Variants in TFAP2E observed in about 807,000 individuals in gnomAD.
TFAP2E encodes the protein transcription factor AP-2 epsilon, also known as transcription factor AP-2-epsilon.
TFAP2E carries 30 observed loss-of-function variants against 37.9 expected under a neutral mutation model. That is an observed-to-expected ratio of 0.79 (90% CI 0.59 to 1.07). TFAP2E has a LOEUF of 1.07. TFAP2E is among the 50% of genes least tolerant of loss of function. TFAP2E has a pLI of 0.00. For missense variants in TFAP2E, 567 were observed against 637.9 expected (o/e 0.89, Z 1.20); for synonymous variants, 318 against 295.8 (o/e 1.08, Z -0.77).
chr1:35,590,412 T>C lies in TFAP2E; in HGVS notation c.905-222T>C, dbSNP rs1051777085. Among the ~76,000 whole-genome samples, 1 of 151,820 alleles carries C rather than the reference T, an allele frequency of 6.6e-6. No homozygotes were observed. The highest frequency in any genetic ancestry group is 2.4e-5 in the African/African-American group (1 of 41,300). On this transcript the variant is annotated intron_variant, in intron 5 of 6. Transcript: ENST00000373235. This position sits in a 1 kb window ranked among gnomAD's most constrained non-coding sequence, Gnocchi z 6.2. ...TGGAGGTTGGTGCCTCTGGAATACA[T>C]GGTGGGCCCAGCTCCCATCTCTGAG... is the stretch of plus-strand genomic sequence containing the variant.
intron 3 of TFAP2E, among the ~76,000 whole-genome samples, chr1:35,576,979 A>T (rs1156590172): frequency 1.1e-5 from 1 of 91,144 alleles, no homozygotes; most frequent in Admixed American, 1.3e-4. Flanking sequence ...CCCCAGCGCC[A>T]GCGGGACCCC....
chr1:35,589,010 C>T (rs931798972), intron 4 of TFAP2E, among the ~76,000 whole-genome samples: 1 of 152,022 alleles, frequency 6.6e-6, no homozygotes, highest in African/African-American at 2.4e-5. Context: ...TGTCTTTGTG[C>T]CTGGGAAGGG....
chr1:35,589,188 CTGTG>C (rs757213879), intron 4 of TFAP2E, among the ~76,000 whole-genome samples: 11,585 of 125,772 alleles, frequency 0.092, 534 homozygotes, highest in South Asian at 0.13. Context: ...GTGTCCTGCT[CTGTG>C]TGTGTGTGTG....
intron 3 of TFAP2E, among the ~76,000 whole-genome samples, chr1:35,579,964 T>C (rs1368042709): frequency 6.6e-6 from 1 of 152,026 alleles, no homozygotes; most frequent in Non-Finnish European, 1.5e-5. Flanking sequence ...CCCAGCACTT[T>C]GGGAGGCCGA....
In TFAP2E at chr1:35,577,982, G is replaced by A. The variant is rs1649231925; in HGVS notation, c.562+2982G>A. On this transcript the variant is annotated intron_variant, in intron 3 of 6. Transcript: ENST00000373235. The surrounding 1 kb of genome is among the most constrained non-coding windows in gnomAD (Gnocchi z 6.3). ...AAGCAAGCAGGACTGGTGGGGAGAC[G>A]GAGCTTAACAGGAATATTTTCCAGC... is the stretch of plus-strand genomic sequence containing the variant. Among the ~76,000 whole-genome samples the A allele has an allele frequency of 6.6e-6, 1 of 152,164 alleles. No individual in the cohort carries two copies. Among genetic ancestry groups the A allele is most frequent in the Non-Finnish European group, 1.5e-5 (1 of 68,034 alleles).
chr1:35,575,006 G>T lies in TFAP2E; in HGVS notation c.562+6G>T, dbSNP rs760238241. On this transcript the variant is annotated splice_donor_region_variant and intron_variant, in intron 3 of 6. Coordinates refer to ENST00000373235, the MANE Select transcript of TFAP2E (RefSeq NM_178548.4). Reference sequence around the variant, plus strand: ...CCAGTCCGTGATCAAGAAAGGTAAGGAATGGTCTGTCAGGGCAGAGCCCGG... The same window carrying T: ...CCAGTCCGTGATCAAGAAAGGTAAGTAATGGTCTGTCAGGGCAGAGCCCGG... 1 of 1,613,944 alleles carries T rather than the reference G, an allele frequency of 6.2e-7. No individual in the cohort carries two copies. Among genetic ancestry groups the T allele is most frequent in the East Asian group, 2.2e-5 (1 of 44,884 alleles).
chr1:35,593,245 G>A (rs990294672), intron 6 of TFAP2E, among the ~76,000 whole-genome samples: 1 of 152,126 alleles, frequency 6.6e-6, no homozygotes, highest in African/African-American at 2.4e-5. Context: ...GGAGGCTGAG[G>A]TTGAGACTGC....
At position 35,594,710 on chromosome 1, in the gene TFAP2E, A is replaced by T. The variant is rs201429244; in HGVS notation, c.*34A>T. The T allele has an allele frequency of 6.2e-7, 1 of 1,611,824 alleles. No homozygotes were observed. Among genetic ancestry groups the T allele is most frequent in the African/African-American group, 1.3e-5 (1 of 74,834 alleles). On this transcript the variant is annotated 3_prime_UTR_variant, in exon 7 of 7. Coordinates refer to ENST00000373235, the MANE Select transcript of TFAP2E (RefSeq NM_178548.4). Reference sequence around the variant, plus strand: ...CCCACCCCATCCCTAAGGGGCTCCCAGGCCCTGAAATAGGGACTTAGCTCT... The same window carrying T: ...CCCACCCCATCCCTAAGGGGCTCCCTGGCCCTGAAATAGGGACTTAGCTCT...
chr1:35,588,571 A>G lies in TFAP2E; in HGVS notation c.785+19A>G. 1.3e-6 allele frequency: 2 copies of G among 1,552,550 alleles called. No homozygotes were observed. The highest frequency in any genetic ancestry group is 1.2e-5 in the South Asian group (1 of 83,042). On this transcript the variant is annotated intron_variant, in intron 4 of 6. Coordinates refer to ENST00000373235, the MANE Select transcript of TFAP2E (RefSeq NM_178548.4). The surrounding 1 kb of genome is among the most constrained non-coding windows in gnomAD (Gnocchi z 5.1). ...TCCGCAGGTAGGAAGGCCAGCCCAC[A>G]ATTCCCCGCCTGATTGGATCCCTGG...
At chr1:35,591,595 C>T (rs1649682408) in intron 6 of TFAP2E, among the ~76,000 whole-genome samples, 1 of 152,250 alleles carries the variant, frequency 6.6e-6, no homozygotes, top group South Asian at 2.1e-4. Context: ...GCATAAGAAT[C>T]TTCAATGGTT....
chr1:35,582,034 C>A (rs1457739650), intron 3 of TFAP2E, among the ~76,000 whole-genome samples: 3 of 152,050 alleles, frequency 2.0e-5, no homozygotes, highest in Non-Finnish European at 4.4e-5. Flanking sequence ...CACCACCACA[C>A]CCAGCTAATT....
rs936643181 is a variant in TFAP2E, at chr1:35,574,208, C to T, written c.309C>T (p.Pro103=). 4.8e-6 allele frequency: 6 copies of T among 1,246,506 alleles called. No homozygotes were observed. The African/African-American group carries it at 9.8e-5, about 20-fold the overall frequency. The allele number at this position is 1,246,506 out of a possible 1,614,324, so 77.2% of individuals were successfully genotyped here. Reference sequence around the variant, plus strand: ...CTCCTCAGGCCGCCTGGGCCGCGCCCCGCGCAGCCGCCCGCGCCCACGAGG... The same window carrying T: ...CTCCTCAGGCCGCCTGGGCCGCGCCTCGCGCAGCCGCCCGCGCCCACGAGG... ...PQPPQAAWAA[P]RAAARAHEEP... Residue 103 remains proline (P), a synonymous_variant, in exon 2 of 7, where the codon CCC becomes CCT. Coordinates refer to ENST00000373235, the MANE Select transcript of TFAP2E (RefSeq NM_178548.4).
At chr1:35,589,465 A>G (rs1276083813) in intron 4 of TFAP2E, among the ~76,000 whole-genome samples, 1 of 136,516 alleles carries the variant, frequency 7.3e-6, no homozygotes, top group Non-Finnish European at 1.6e-5. Flanking sequence ...GTCTGTCTCT[A>G]TTGGTTCTAT....
chr1:35,581,610 T>C (rs1456086313), intron 3 of TFAP2E, among the ~76,000 whole-genome samples: 1 of 151,972 alleles, frequency 6.6e-6, no homozygotes, highest in Non-Finnish European at 1.5e-5. Context: ...TTCACTCTTG[T>C]TGCCCAGGCT....
At position 35,589,984 on chromosome 1, in the gene TFAP2E, G is replaced by C; in HGVS notation, c.840G>C (p.Gly280=). Residue 280 remains glycine, a synonymous_variant, in exon 5 of 7, where the codon GGG becomes GGC. Transcript: ENST00000373235. The part of the protein sequence containing the change: ...RCLRERLEKI[G]LNLPAGRRKA... ...TGCGGGAACGGTTAGAGAAGATTGG[G>C]CTCAACCTGCCAGCTGGCCGTCGCA... 1.2e-6 allele frequency: 2 copies of C among 1,614,132 alleles called. No individual in the cohort carries two copies. Among genetic ancestry groups the C allele is most frequent in the Non-Finnish European group, 1.7e-6 (2 of 1,179,988 alleles).
chr1:35,590,498 TG>T lies in TFAP2E; in HGVS notation c.905-133del. The T allele has an allele frequency of 9.0e-7, 1 of 1,107,910 alleles. No homozygotes were observed. 68.6% of individuals were successfully genotyped at this position (1,107,910 alleles called of 1,614,324 possible). ...AATGGAATGGGGGCTGGAGCTGGGC[TG>T]GGAAGGAACATCAGAGGGGGCATCT... is the stretch of plus-strand genomic sequence containing the variant. On this transcript the variant is annotated intron_variant, in intron 5 of 6. Coordinates refer to ENST00000373235, the MANE Select transcript of TFAP2E (RefSeq NM_178548.4). This position sits in a 1 kb window ranked among gnomAD's most constrained non-coding sequence, Gnocchi z 6.2.
chr1:35,575,004 A>T lies in TFAP2E; in HGVS notation c.562+4A>T. 1 of 1,613,962 alleles carries T rather than the reference A, an allele frequency of 6.2e-7. No homozygotes were observed. The highest frequency in any genetic ancestry group is 8.5e-7 in the Non-Finnish European group (1 of 1,179,998). On this transcript the variant is annotated splice_donor_region_variant and intron_variant, in intron 3 of 6. Coordinates refer to ENST00000373235, the MANE Select transcript of TFAP2E (RefSeq NM_178548.4). Reference sequence around the variant, plus strand: ...GACCAGTCCGTGATCAAGAAAGGTAAGGAATGGTCTGTCAGGGCAGAGCCC... The same window carrying T: ...GACCAGTCCGTGATCAAGAAAGGTATGGAATGGTCTGTCAGGGCAGAGCCC...
At chr1:35,585,654 T>C (rs550097209) in intron 3 of TFAP2E, among the ~76,000 whole-genome samples, 1 of 152,378 alleles carries the variant, frequency 6.6e-6, no homozygotes, top group South Asian at 2.1e-4. Flanking sequence ...GAAATGATTC[T>C]ATTTTTAATA....
chr1:35,586,182 C>T (rs1024498837), intron 3 of TFAP2E, among the ~76,000 whole-genome samples: 2 of 152,140 alleles, frequency 1.3e-5, no homozygotes. Context: ...AGAGCCAGAA[C>T]ACAAGGGAGG....
Sources: gnomAD v4.1 joint callset for allele counts (sites outside exome capture counted in the v4.1 genomes callset) on GRCh38, gnomAD v4.1.1 for gene constraint, Gnocchi (gnomAD v3.1) non-coding constraint, MANE v1.5 for transcripts, NCBI Gene and HGNC (gene_info 2026-07-23, HGNC 2026-07-21) for gene names.